The following SGPP2 variants were observed in gnomAD, a reference collection of about 807,000 sequenced individuals.
SGPP2 encodes the protein sphingosine 1-phosphate phosphohydrolase 2.
In SGPP2, 30 loss-of-function variants were observed where a neutral mutation model predicts 33.9. The observed-to-expected ratio is 0.89, with a 90% CI of 0.66 to 1.20. The LOEUF (loss-of-function observed/expected upper bound fraction) is 1.20. Ranked by LOEUF, SGPP2 falls within the 50% of genes most tolerant of loss-of-function variation. The pLI, the probability that SGPP2 is intolerant of heterozygous loss-of-function variation, is 0.00. For synonymous variants in SGPP2, 233 were observed against 225.0 expected (o/e 1.04, Z -0.32); for missense variants, 458 against 532.1 (o/e 0.86, Z 1.37).
At chr2:222,482,511 C>T (rs183993801) in intron 2 of SGPP2, among the ~76,000 whole-genome samples, 1 of 152,284 alleles carries the variant, frequency 6.6e-6, no homozygotes, top group East Asian at 1.9e-4. Flanking sequence ...ATCCTACCAC[C>T]TCAGCCTCCC....
intron 1 of SGPP2, chr2:222,452,906 G>A (rs562355681): frequency 1.3e-6 from 2 of 1,596,006 alleles, no homozygotes; most frequent in African/African-American, 1.3e-5. Context: ...TGTAGCTAAG[G>A]TTCAGGATAT....
intron 2 of SGPP2, among the ~76,000 whole-genome samples, chr2:222,510,781 G>A (rs1282560037): frequency 6.6e-6 from 1 of 152,168 alleles, no homozygotes; most frequent in African/African-American, 2.4e-5. Flanking sequence ...GCTCCGTAGT[G>A]TATACAAAAA....
intron 2 of SGPP2, among the ~76,000 whole-genome samples, chr2:222,511,443 G>C (rs533831395): frequency 1.3e-5 from 2 of 152,120 alleles, no homozygotes; most frequent in African/African-American, 4.8e-5. Flanking sequence ...GTTTACTAAG[G>C]TGTTAATGGT....
intron 1 of SGPP2, among the ~76,000 whole-genome samples, chr2:222,455,733 T>C (rs1023003023): frequency 1.1e-4 from 17 of 152,346 alleles, no homozygotes; most frequent in African/African-American, 4.1e-4. Flanking sequence ...TAACTTGGGA[T>C]ATAACTCACA....
chr2:222,446,088 T>A (rs4380225), intron 1 of SGPP2, among the ~76,000 whole-genome samples: 114,939 of 152,148 alleles, frequency 0.76, 43,642 homozygotes, highest in Middle Eastern at 0.87. Flanking sequence ...TGCCCTTGAA[T>A]GCTAGGTGAA....
chr2:222,497,259 T>A (rs111317584), intron 2 of SGPP2, among the ~76,000 whole-genome samples: 1 of 149,260 alleles, frequency 6.7e-6, no homozygotes. Context: ...TCTTTTTTTT[T>A]TTTTTTTTTT....
At chr2:222,447,676 G>T (rs551837234) in intron 1 of SGPP2, among the ~76,000 whole-genome samples, 1 of 152,292 alleles carries the variant, frequency 6.6e-6, no homozygotes, top group East Asian at 1.9e-4. Flanking sequence ...ATGCTTTACT[G>T]CATTTTACAT....
intron 2 of SGPP2, among the ~76,000 whole-genome samples, chr2:222,487,865 A>G (rs1698136097): frequency 6.6e-6 from 1 of 152,156 alleles, no homozygotes; most frequent in South Asian, 2.1e-4. Flanking sequence ...CCTTCCACCA[A>G]TAAAGAAGAG....
chr2:222,558,262 A>C, intron 4 of SGPP2, 85 bp from the exon 5 acceptor site: 1 of 1,387,280 alleles, frequency 7.2e-7, no homozygotes. Flanking sequence ...TTTAAATATC[A>C]AATTAGCCAT....
intron 1 of SGPP2, among the ~76,000 whole-genome samples, chr2:222,441,587 A>G (rs1250657746): frequency 6.6e-6 from 1 of 152,164 alleles, no homozygotes; most frequent in Admixed American, 6.5e-5. Flanking sequence ...GATGAACCAA[A>G]TGTTTCCAGG....
At chr2:222,471,642 A>G (rs1449687205) in intron 1 of SGPP2, among the ~76,000 whole-genome samples, 1 of 152,166 alleles carries the variant, frequency 6.6e-6, no homozygotes, top group African/African-American at 2.4e-5. Flanking sequence ...ATAAATACAT[A>G]AACAAATGTA....
At chr2:222,468,677 G>A (rs746511089) in intron 1 of SGPP2, among the ~76,000 whole-genome samples, 4 of 152,202 alleles carry the variant, frequency 2.6e-5, no homozygotes, top group Admixed American at 6.5e-5. Flanking sequence ...CTTTGTATGT[G>A]TTTGGAAAGC....
intron 2 of SGPP2, among the ~76,000 whole-genome samples, chr2:222,496,668 T>C (rs1466524999): frequency 6.6e-6 from 1 of 152,204 alleles, no homozygotes; most frequent in African/African-American, 2.4e-5. Context: ...TTCTTATCTC[T>C]GGTGAGACCC....
At chr2:222,525,903 G>T (rs1559170084) in intron 4 of SGPP2, among the ~76,000 whole-genome samples, 2 of 152,192 alleles carry the variant, frequency 1.3e-5, no homozygotes, top group Admixed American at 6.5e-5. Flanking sequence ...AAATGTGGGA[G>T]AGAGGGGGCA....
chr2:222,524,563 A>C (rs761274681), intron 3 of SGPP2, among the ~76,000 whole-genome samples: 2 of 152,204 alleles, frequency 1.3e-5, no homozygotes, highest in African/African-American at 2.4e-5. Context: ...CTATCTATCT[A>C]CCTTGCTTCT....
chr2:222,425,253 G>A (rs748403883), intron 1 of SGPP2, among the ~76,000 whole-genome samples: 1 of 149,884 alleles, frequency 6.7e-6, no homozygotes. Flanking sequence ...GCACAAATGC[G>A]GGTGCAGCCG....
chr2:222,512,695 C>T (rs1698547455), intron 2 of SGPP2, among the ~76,000 whole-genome samples: 2 of 152,154 alleles, frequency 1.3e-5, no homozygotes, highest in Non-Finnish European at 2.9e-5. Flanking sequence ...ATGGTTTTGC[C>T]TTTTCTAGAA....
At chr2:222,467,978 A>AC (rs1697775522) in intron 1 of SGPP2, among the ~76,000 whole-genome samples, 1 of 139,852 alleles carries the variant, frequency 7.2e-6, no homozygotes, top group Non-Finnish European at 1.5e-5. Flanking sequence ...AAAAAAAAAA[A>AC]AAAAAAAAAA....
intron 3 of SGPP2, among the ~76,000 whole-genome samples, chr2:222,524,199 A>G (rs1698724916): frequency 6.6e-6 from 1 of 152,258 alleles, no homozygotes; most frequent in African/African-American, 2.4e-5. Context: ...TCATAGGGCT[A>G]TGTGAAGACT....
Sources: allele counts gnomAD v4.1 joint callset (sites outside exome capture counted in the v4.1 genomes callset), GRCh38; gene constraint gnomAD v4.1.1; transcripts MANE v1.5; gene names NCBI Gene and HGNC (gene_info 2026-07-23, HGNC 2026-07-21).